Variants in TMEM232 observed in about 807,000 individuals in gnomAD.
The protein encoded by TMEM232 is transmembrane protein 232.
TMEM232 carries 80 observed loss-of-function variants against 78.8 expected under a neutral mutation model. The observed-to-expected ratio is 1.01, with a 90% CI of 0.85 to 1.22. TMEM232 has a LOEUF of 1.22. Ranked by LOEUF, TMEM232 falls within the 50% of genes most tolerant of loss-of-function variation. TMEM232 has a pLI of 0.00. For missense variants in TMEM232, 881 were observed against 742.2 expected (o/e 1.19, Z -2.17); for synonymous variants, 297 against 254.3 (o/e 1.17, Z -1.60).
chr5:110,689,767 G>A (rs1482144489), intron 1 of TMEM232, among the ~76,000 whole-genome samples: 1 of 152,120 alleles, frequency 6.6e-6, no homozygotes, highest in Non-Finnish European at 1.5e-5. Context: ...AAAACAGCAT[G>A]GTACTGGTAC....
intron 10 of TMEM232, among the ~76,000 whole-genome samples, chr5:110,597,435 T>C (rs1780308131): frequency 6.6e-6 from 1 of 152,172 alleles, no homozygotes; most frequent in African/African-American, 2.4e-5. Flanking sequence ...ATGGCCATAC[T>C]GCCCAAGGTA....
intron 11 of TMEM232, among the ~76,000 whole-genome samples, chr5:110,567,963 G>C (rs1422469452): frequency 6.6e-6 from 1 of 151,996 alleles, no homozygotes; most frequent in Non-Finnish European, 1.5e-5. Context: ...ATGAGGTAGT[G>C]AAAGTGCCCC....
chr5:110,427,138 A>T (rs1757326501), intron 12 of TMEM232, among the ~76,000 whole-genome samples: 1 of 151,410 alleles, frequency 6.6e-6, no homozygotes, highest in Non-Finnish European at 1.5e-5. Context: ...AAACAGAAAA[A>T]ATATATAGTA....
intron 2 of TMEM232, among the ~76,000 whole-genome samples, chr5:110,655,757 G>A (rs527946179): frequency 2.4e-4 from 37 of 151,834 alleles, no homozygotes; most frequent in African/African-American, 8.9e-4. Context: ...TCCTCTGTAG[G>A]GACATGGATG....
rs905231207 is a variant in TMEM232, at chr5:110,618,487, A to G, written c.844T>C (p.Leu282=). The change falls in exon 8 of 14, where the codon TTG becomes CTG. Residue 282 remains leucine, a synonymous_variant. Coordinates refer to ENST00000455884, the MANE Select transcript of TMEM232 (RefSeq NM_001039763.4). ...ACGAGATGTTCAAGCACGTTATTCA[A>G]CTGAGGACTGTTATTCTGAACACAA... ...WSCVQNNSPQ[L]NNVLEHLVFH... 1.9e-5 allele frequency: 30 copies of G among 1,551,632 alleles called. No homozygotes were observed. The highest frequency in any genetic ancestry group is 3.9e-5 in the Admixed American group (2 of 50,946).
chr5:110,568,864 T>A (rs72771422), intron 10 of TMEM232, among the ~76,000 whole-genome samples: 11,776 of 151,988 alleles, frequency 0.077, 587 homozygotes, highest in Admixed American at 0.12. Flanking sequence ...CTAACTGGTA[T>A]ACTTCATAAA....
chr5:110,413,803 A>G (rs1580579814), intron 2 of TMEM232, among the ~76,000 whole-genome samples: 1 of 152,130 alleles, frequency 6.6e-6, no homozygotes, highest in Non-Finnish European at 1.5e-5. Flanking sequence ...GTAAGAGGGG[A>G]CTCACTATTT....
chr5:110,402,013 G>A (rs1755620203), intron 2 of TMEM232, among the ~76,000 whole-genome samples: 1 of 152,000 alleles, frequency 6.6e-6, no homozygotes, highest in African/African-American at 2.4e-5. Context: ...GTTTTCCTTA[G>A]TGGAGCAATA....
intron 2 of TMEM232, among the ~76,000 whole-genome samples, chr5:110,412,406 C>CTGAAT (rs1417673005): frequency 6.6e-6 from 1 of 152,056 alleles, no homozygotes; most frequent in Admixed American, 6.5e-5. Flanking sequence ...ATTGAAACAC[C>CTGAAT]TGAACATGGG....
chr5:110,450,206 G>C (rs2112818207), intron 12 of TMEM232, among the ~76,000 whole-genome samples: 1 of 152,282 alleles, frequency 6.6e-6, no homozygotes, highest in East Asian at 1.9e-4. Flanking sequence ...GGAACTGTGA[G>C]TCAATTAATC....
intron 2 of TMEM232, among the ~76,000 whole-genome samples, 152 bp downstream of exon 2, chr5:110,667,076 T>A (rs1330140734): frequency 2.0e-5 from 3 of 151,982 alleles, no homozygotes; most frequent in East Asian, 1.9e-4. Context: ...AGAAAGCACA[T>A]AATTACAATA....
chr5:110,588,081 A>G (rs1473715112), intron 10 of TMEM232, among the ~76,000 whole-genome samples: 15 of 152,224 alleles, frequency 9.9e-5, no homozygotes, highest in Non-Finnish European at 1.9e-4. Flanking sequence ...TCATTAAAAG[A>G]TTCAATTGGT....
intron 12 of TMEM232, among the ~76,000 whole-genome samples, chr5:110,442,254 A>G (rs1759141757): frequency 6.6e-6 from 1 of 151,916 alleles, no homozygotes; most frequent in African/African-American, 2.4e-5. Context: ...TAACTCTTAG[A>G]TTTCCCCTTT....
chr5:110,652,680 C>T (rs1420275477), intron 2 of TMEM232, among the ~76,000 whole-genome samples: 1 of 152,108 alleles, frequency 6.6e-6, no homozygotes, highest in Non-Finnish European at 1.5e-5. Context: ...CCAATTCCTG[C>T]CCATCACAAT....
At chr5:110,489,160 C>G (rs1456407532) in intron 12 of TMEM232, among the ~76,000 whole-genome samples, 2 of 151,842 alleles carry the variant, frequency 1.3e-5, no homozygotes, top group Admixed American at 1.3e-4. Flanking sequence ...TCATAAATGT[C>G]TCACTTAATT....
At chr5:110,665,673 A>T (rs1010391911) in intron 2 of TMEM232, among the ~76,000 whole-genome samples, 6 of 152,064 alleles carry the variant, frequency 3.9e-5, no homozygotes, top group African/African-American at 1.4e-4. Flanking sequence ...ACACATGGGG[A>T]TTATAATTCA....
chr5:110,562,998 A>G (rs1182375619), intron 11 of TMEM232, among the ~76,000 whole-genome samples: 5 of 152,080 alleles, frequency 3.3e-5, no homozygotes. Context: ...TAAGATATTC[A>G]ATGCAAATTA....
intron 1 of TMEM232, among the ~76,000 whole-genome samples, chr5:110,688,629 G>T (rs573104168): frequency 2.0e-5 from 3 of 152,272 alleles, no homozygotes; most frequent in Admixed American, 6.5e-5. Context: ...AGGCCATATA[G>T]ATGGGACAAT....
At chr5:110,437,632 T>A (rs976476710) in intron 12 of TMEM232, among the ~76,000 whole-genome samples, 1 of 152,014 alleles carries the variant, frequency 6.6e-6, no homozygotes, top group Non-Finnish European at 1.5e-5. Flanking sequence ...TTCATATATA[T>A]TACACAGTTA....
Sources: gnomAD v4.1 joint callset for allele counts (sites outside exome capture counted in the v4.1 genomes callset) on GRCh38, gnomAD v4.1.1 for gene constraint, MANE v1.5 for transcripts, NCBI Gene and HGNC (gene_info 2026-07-23, HGNC 2026-07-21) for gene names.